The following FAM8A1 variants were observed in gnomAD, a reference collection of about 807,000 sequenced individuals.
The protein encoded by FAM8A1 is protein FAM8A1.
Under a neutral mutation model 38.3 loss-of-function variants are expected in FAM8A1, and 18 were observed. The observed-to-expected ratio is 0.47, with a 90% CI of 0.33 to 0.70. The LOEUF (loss-of-function observed/expected upper bound fraction) is 0.70. FAM8A1 is among the 30% of genes least tolerant of loss of function. The probability of loss-of-function intolerance (pLI) is 0.03; values close to 1 mark genes in which losing one functional copy is unlikely to be tolerated. For synonymous variants in FAM8A1, 246 were observed against 234.4 expected, an observed-to-expected ratio of 1.05 and a Z score of -0.45; for missense variants, 559 against 559.6, an observed-to-expected ratio of 1.00 and a Z score of 0.01.
intron 4 of FAM8A1, among the ~76,000 whole-genome samples, chr6:17,607,258 C>CAAAAA (rs879878979): frequency 5.4e-4 from 19 of 35,070 alleles, no homozygotes; most frequent in East Asian, 2.6e-3. Flanking sequence ...GACTCCATCT[C>CAAAAA]AAAAAAAAAA....
chr6:17,608,172 A>G, intron 4 of FAM8A1, 23 bp from the exon 5 acceptor site: 1 of 1,612,056 alleles, frequency 6.2e-7, no homozygotes, highest in South Asian at 1.1e-5. Flanking sequence ...AACTTACCTG[A>G]TATTTTTGTT....
intron 4 of FAM8A1, 96 bp from the exon 5 acceptor site, chr6:17,608,097 TTG>T: frequency 4.0e-6 from 5 of 1,264,678 alleles, no homozygotes; most frequent in Non-Finnish European, 5.6e-6. Context: ...AGAAGTACAA[TTG>T]TGTTTTAAAT....
intron 3 of FAM8A1, 119 bp from the exon 4 acceptor site, chr6:17,605,755 T>C: frequency 1.0e-6 from 1 of 962,754 alleles, no homozygotes; most frequent in Non-Finnish European, 1.5e-6. Context: ...CTTTTGAGTA[T>C]TCTATGCAAT....
intron 4 of FAM8A1, among the ~76,000 whole-genome samples, chr6:17,607,183 C>T (rs373374104): frequency 4.8e-5 from 7 of 145,718 alleles, no homozygotes; most frequent in Non-Finnish European, 7.4e-5. Flanking sequence ...GGCATGAACC[C>T]GGGAGGCAGA....
At chr6:17,607,519 C>CTATAGGTAG (rs1471401010) in intron 4 of FAM8A1, among the ~76,000 whole-genome samples, 1 of 148,202 alleles carries the variant, frequency 6.7e-6, no homozygotes, top group Non-Finnish European at 1.5e-5. Flanking sequence ...TATCTATATA[C>CTATAGGTAG]TATCTATAGT....
intron 1 of FAM8A1, 112 bp from the exon 2 acceptor site, chr6:17,602,475 ATTT>A (rs1448729498): frequency 9.8e-7 from 1 of 1,021,374 alleles, no homozygotes; most frequent in African/African-American, 1.7e-5. Flanking sequence ...GGTTATAAAT[ATTT>A]TTTATTAAGT....
Position 17,602,691 on chromosome 6 carries a change from A to G in FAM8A1, c.814A>G (p.Met272Val). The G allele has an allele frequency of 1.2e-6, 2 of 1,611,088 alleles. No homozygotes were observed. The highest frequency in any genetic ancestry group is 2.2e-5 in the South Asian group (2 of 89,834). Residue 272 changes from methionine (M) to valine (V), a missense_variant, in exon 2 of 5, where the codon ATG becomes GTG. Met to Val is a conservative substitution (Grantham distance 21). Around this residue, in one of 2 missense-constraint regions of FAM8A1, gnomAD observed 166 missense variants for 220.8 expected, o/e 0.75. Coordinates refer to ENST00000259963, the MANE Select transcript of FAM8A1 (RefSeq NM_016255.3). Reference sequence around the variant, plus strand: ...AAAAGCAACCATTGTCTTAAGCATTATGCACCTCAGTGGGATAAAGTAAGT... The same window carrying G: ...AAAAGCAACCATTGTCTTAAGCATTGTGCACCTCAGTGGGATAAAGTAAGT... ...FIKATIVLSI[M>V]HLSGIKDISK...
chr6:17,607,277 A>T (rs1034418946), intron 4 of FAM8A1, among the ~76,000 whole-genome samples: 3 of 151,176 alleles, frequency 2.0e-5, no homozygotes, highest in South Asian at 2.1e-4. Flanking sequence ...AAAAAAACAA[A>T]ACAAAACTGG....
chr6:17,602,450 C>G (rs923761790), intron 1 of FAM8A1, 140 bp from the exon 2 acceptor site: 4 of 749,348 alleles, frequency 5.3e-6, no homozygotes, highest in Non-Finnish European at 8.3e-6. Context: ...GAATCAATAT[C>G]AATAGTTGCT....
In FAM8A1 at chr6:17,608,953, TACA is replaced by T. The variant is rs1344188480; in HGVS notation, c.*617_*619del. 1.3e-5 allele frequency: 2 copies of T among 152,348 alleles called. No individual in the cohort carries two copies. The highest frequency in any genetic ancestry group is 3.9e-4 in the East Asian group (2 of 5,194). 9.4% of individuals were successfully genotyped at this position (152,348 alleles called of 1,614,324 possible). On this transcript the variant is annotated 3_prime_UTR_variant, in exon 5 of 5. Transcript: ENST00000259963. The stretch of plus-strand genomic sequence containing the variant: ...GTTCCCTCTCGTAATGATGTAACTT[TACA>T]ACTATTCTTAATGCTTGAACATGTA...
At chr6:17,607,245 C>T (rs13196136) in intron 4 of FAM8A1, among the ~76,000 whole-genome samples, 20,133 of 115,372 alleles carry the variant, frequency 0.17, 1,571 homozygotes, top group Middle Eastern at 0.25. Context: ...GGCGACAGAG[C>T]AAGACTCCAT....
chr6:17,606,080 G>GT (rs1458627471), intron 4 of FAM8A1, 67 bp downstream of exon 4: 9 of 1,259,822 alleles, frequency 7.1e-6, no homozygotes, highest in Admixed American at 2.9e-5. Flanking sequence ...GAATATTGGG[G>GT]TTTTTTTCTT....
At chr6:17,603,489 C>T (rs1457546809) in intron 2 of FAM8A1, among the ~76,000 whole-genome samples, 1 of 152,176 alleles carries the variant, frequency 6.6e-6, no homozygotes, top group East Asian at 1.9e-4. Context: ...CTGTCCCTCC[C>T]TCTCACTCCA....
Position 17,605,048 on chromosome 6 carries a change from C to T in FAM8A1, c.957+19C>T. 2 of 1,589,004 alleles carry T rather than the reference C, an allele frequency of 1.3e-6. No individual in the cohort carries two copies. Among genetic ancestry groups the T allele is most frequent in the Non-Finnish European group, 1.7e-6 (2 of 1,167,258 alleles). Reference sequence around the variant, plus strand: ...CTATGAGGTAAGCTACTGACTTCAGCAAGAATTAATATTTAACAATCTAAT... The same window carrying T: ...CTATGAGGTAAGCTACTGACTTCAGTAAGAATTAATATTTAACAATCTAAT... On this transcript the variant is annotated intron_variant, in intron 3 of 4. Coordinates refer to ENST00000259963, the MANE Select transcript of FAM8A1 (RefSeq NM_016255.3).
rs1764095592 is a variant in FAM8A1, at chr6:17,608,860, C to T, written c.*521C>T. ...ATCCCAGGAGGTGGTGAGTTGGCTA[C>T]AAGAGAAAGGGACAAGTGAGGCAGG... is the stretch of plus-strand genomic sequence containing the variant. On this transcript the variant is annotated 3_prime_UTR_variant, in exon 5 of 5. Coordinates refer to ENST00000259963, the MANE Select transcript of FAM8A1 (RefSeq NM_016255.3). The T allele has an allele frequency of 6.6e-6, 1 of 152,184 alleles. No homozygotes were observed. The highest frequency in any genetic ancestry group is 1.5e-5 in the Non-Finnish European group (1 of 68,054). 9.4% of individuals were successfully genotyped at this position (152,184 alleles called of 1,614,324 possible). A position where few individuals can be genotyped will look rare whatever the true frequency, so the allele number is the denominator to read the frequency against.
chr6:17,610,137 T>C lies in FAM8A1; in HGVS notation c.*1798T>C, dbSNP rs989340333. On this transcript the variant is annotated 3_prime_UTR_variant, in exon 5 of 5. Coordinates refer to ENST00000259963, the MANE Select transcript of FAM8A1 (RefSeq NM_016255.3). ...GATGTTACGTAACTTGGCACTTTAG[T>C]AGTGTATACACTAGCATTAGTTTAT... 6.6e-6 allele frequency: 1 copy of C among 152,136 alleles called. No homozygotes were observed. The allele number at this position is 152,136 out of a possible 1,614,324, so 9.4% of individuals were successfully genotyped here. A position where few individuals can be genotyped will look rare whatever the true frequency, so the allele number is the denominator to read the frequency against.
chr6:17,609,689 G>C lies in FAM8A1; in HGVS notation c.*1350G>C, dbSNP rs1250768955. On this transcript the variant is annotated 3_prime_UTR_variant, in exon 5 of 5. Coordinates refer to ENST00000259963, the MANE Select transcript of FAM8A1 (RefSeq NM_016255.3). ...TTTATGGTTTAAGTTTTGATTCTTA[G>C]GTATTTTCTCCAGCTCTGACATTGT... is the stretch of plus-strand genomic sequence containing the variant. 6.6e-6 allele frequency: 1 copy of C among 152,056 alleles called. No individual in the cohort carries two copies. Among genetic ancestry groups the C allele is most frequent in the African/African-American group, 2.4e-5 (1 of 41,390 alleles). 9.4% of individuals were successfully genotyped at this position (152,056 alleles called of 1,614,324 possible).
rs201413519 is a variant in FAM8A1 at position 17,600,470 on chromosome 6, G to A, written c.61G>A (p.Asp21Asn). 2.0e-6 allele frequency: 3 copies of A among 1,508,172 alleles called. No homozygotes were observed. The highest frequency in any genetic ancestry group is 2.9e-5 in the African/African-American group (2 of 68,524). 93.4% of individuals were successfully genotyped at this position (1,508,172 alleles called of 1,614,324 possible). The change falls in exon 1 of 5, where the codon GAC becomes AAC. Residue 21 changes from aspartate (D) to asparagine (N), a missense_variant. Physicochemically the swap from Asp to Asn is conservative, Grantham distance 23. Transcript: ENST00000259963. Reference sequence around the variant, plus strand: ...TCCCGGGCAGGACGATGGCGGAGGGGACCACGAGCCCGTCCCTTCCCTGAG... The same window carrying A: ...TCCCGGGCAGGACGATGGCGGAGGGAACCACGAGCCCGTCCCTTCCCTGAG... ...HPPGQDDGGG[D>N]HEPVPSLRGP...
chr6:17,607,789 C>G (rs1047899402), intron 4 of FAM8A1, among the ~76,000 whole-genome samples: 7 of 152,188 alleles, frequency 4.6e-5, no homozygotes, highest in Non-Finnish European at 8.8e-5. Flanking sequence ...GATTAAAGAA[C>G]ACACAGTACT....
Sources: gnomAD v4.1 joint callset for allele counts (sites outside exome capture counted in the v4.1 genomes callset) on GRCh38, gnomAD v4.1.1 for gene constraint, gnomAD v4.1.1 regional missense constraint, MANE v1.5 for transcripts, NCBI Gene and HGNC (gene_info 2026-07-23, HGNC 2026-07-21) for gene names.